Variants in LUZP2 observed in about 807,000 individuals in gnomAD.
LUZP2 encodes leucine zipper protein 2.
In LUZP2, 52 loss-of-function variants were observed where a neutral mutation model predicts 51.6. That is an observed-to-expected ratio of 1.01 (90% confidence interval 0.81 to 1.27). The LOEUF (loss-of-function observed/expected upper bound fraction) is 1.27, where lower values mean the gene tolerates loss of function less well. LUZP2 is among the 50% of genes most tolerant of loss of function. The pLI, the probability that LUZP2 is intolerant of heterozygous loss-of-function variation, is 0.00. For synonymous variants in LUZP2, 154 were observed against 137.3 expected, an observed-to-expected ratio of 1.12 and a Z score of -0.85; for missense variants, 436 against 395.4, an observed-to-expected ratio of 1.10 and a Z score of -0.87.
chr11:24,857,146 A>G (rs560789029), intron 5 of LUZP2, among the ~76,000 whole-genome samples: 2 of 152,058 alleles, frequency 1.3e-5, no homozygotes, highest in Admixed American at 1.3e-4. Flanking sequence ...ATAATTAGTT[A>G]CCACTGTAAT....
intron 5 of LUZP2, among the ~76,000 whole-genome samples, chr11:24,845,357 T>C (rs1302169978): frequency 2.6e-5 from 4 of 152,140 alleles, no homozygotes; most frequent in Non-Finnish European, 4.4e-5. Flanking sequence ...TATTGTATCT[T>C]GGAAGTAACT....
At chr11:24,565,785 A>T (rs1379002486) in intron 1 of LUZP2, among the ~76,000 whole-genome samples, 1 of 152,174 alleles carries the variant, frequency 6.6e-6, no homozygotes, top group Non-Finnish European at 1.5e-5. Flanking sequence ...AAGTAAACAA[A>T]AAAGTAAACA....
intron 9 of LUZP2, among the ~76,000 whole-genome samples, chr11:24,995,003 TA>T (rs1472457946): frequency 2.0e-5 from 3 of 152,218 alleles, no homozygotes; most frequent in Non-Finnish European, 2.9e-5. Flanking sequence ...AAGAATACCA[TA>T]AAACGTTTTA....
chr11:24,921,871 A>G (rs1854071430), intron 7 of LUZP2, among the ~76,000 whole-genome samples: 1 of 152,084 alleles, frequency 6.6e-6, no homozygotes, highest in Non-Finnish European at 1.5e-5. Context: ...TACTTTACTC[A>G]GGTCTGTAAT....
rs1373686383 is a variant in LUZP2, at chr11:25,050,030, C to T, written c.766-8C>T. 1 of 1,566,552 alleles carries T rather than the reference C, an allele frequency of 6.4e-7. No individual in the cohort carries two copies. The highest frequency in any genetic ancestry group is 8.7e-7 in the Non-Finnish European group (1 of 1,153,500). On this transcript the variant is annotated splice_polypyrimidine_tract_variant and splice_region_variant and intron_variant, in intron 9 of 11. Coordinates refer to ENST00000336930, the MANE Select transcript of LUZP2 (RefSeq NM_001009909.4). ...TCTTTCTTTCTATCTCTCTTCGTCT[C>T]TTTTAAGCCTCAACAAAGTGCTTCT...
Position 25,078,739 on chromosome 11 carries a change from G to T in LUZP2, c.*81G>T. On this transcript the variant is annotated 3_prime_UTR_variant, in exon 12 of 12. Coordinates refer to ENST00000336930, the MANE Select transcript of LUZP2 (RefSeq NM_001009909.4). The stretch of plus-strand genomic sequence containing the variant: ...AGACCACAAGCTTGATGGAAATACT[G>T]TTTCTAAAGCATGCAACTTTTTCAC... 2 of 1,079,952 alleles carry T rather than the reference G, an allele frequency of 1.9e-6. No homozygotes were observed. The highest frequency in any genetic ancestry group is 2.7e-6 in the Non-Finnish European group (2 of 738,968). The allele number at this position is 1,079,952 out of a possible 1,614,324, so 66.9% of individuals were successfully genotyped here. A position where few individuals can be genotyped will look rare whatever the true frequency, so the allele number is the denominator to read the frequency against.
At chr11:24,716,909 T>C (rs1858067510) in intron 1 of LUZP2, among the ~76,000 whole-genome samples, 1 of 151,960 alleles carries the variant, frequency 6.6e-6, no homozygotes, top group East Asian at 1.9e-4. Context: ...AAAATTTTTT[T>C]AATATAAAAT....
chr11:24,632,578 A>G (rs1854933603), intron 1 of LUZP2, among the ~76,000 whole-genome samples: 1 of 151,938 alleles, frequency 6.6e-6, no homozygotes, highest in African/African-American at 2.4e-5. Flanking sequence ...TTCTTATGTA[A>G]ATGTCCATTA....
intron 7 of LUZP2, among the ~76,000 whole-genome samples, chr11:24,969,948 G>C (rs1332085656): frequency 6.6e-6 from 1 of 152,068 alleles, no homozygotes; most frequent in African/African-American, 2.4e-5. Context: ...TCTCTTTCTT[G>C]AGGAATTCTA....
chr11:24,602,244 G>GTA (rs1329304592), intron 1 of LUZP2, among the ~76,000 whole-genome samples: 1 of 77,926 alleles, frequency 1.3e-5, no homozygotes, highest in Admixed American at 1.5e-4. Context: ...GTGTATATAT[G>GTA]TATATATATG....
At chr11:25,074,034 A>T (rs1258611264) in intron 10 of LUZP2, among the ~76,000 whole-genome samples, 1 of 152,188 alleles carries the variant, frequency 6.6e-6, no homozygotes, top group East Asian at 1.9e-4. Context: ...AGCAAAGTCT[A>T]TTTCACTCCA....
intron 5 of LUZP2, among the ~76,000 whole-genome samples, chr11:24,816,593 G>A (rs1850190737): frequency 6.6e-6 from 1 of 151,934 alleles, no homozygotes; most frequent in South Asian, 2.1e-4. Context: ...GATGCCATAA[G>A]GTCAGATATC....
chr11:24,618,774 T>A (rs1419506618), intron 1 of LUZP2, among the ~76,000 whole-genome samples: 1 of 152,146 alleles, frequency 6.6e-6, no homozygotes, highest in Non-Finnish European at 1.5e-5. Flanking sequence ...GGCTTTTAGT[T>A]GTATTTACTG....
chr11:24,682,705 T>G (rs763810051), intron 1 of LUZP2, among the ~76,000 whole-genome samples: 1 of 151,040 alleles, frequency 6.6e-6, no homozygotes, highest in Non-Finnish European at 1.5e-5. Context: ...GACTAAGAAC[T>G]AAGAATAATA....
At chr11:24,845,431 T>C (rs1032979432) in intron 5 of LUZP2, among the ~76,000 whole-genome samples, 3 of 152,206 alleles carry the variant, frequency 2.0e-5, no homozygotes, top group African/African-American at 7.2e-5. Context: ...GATGAGACTT[T>C]GGACTGTAGA....
At position 24,809,125 on chromosome 11, in the gene LUZP2, C is replaced by T. The variant is rs556402767; in HGVS notation, c.396+45817C>T. ...CAATGTGGAAATGTATAATATGTAACAAAAGAGATCTGTATTCCAAAGTGA... is the reference window on the plus strand; with the variant it reads ...CAATGTGGAAATGTATAATATGTAATAAAAGAGATCTGTATTCCAAAGTGA... On this transcript the variant is annotated intron_variant, in intron 5 of 11. Coordinates refer to ENST00000336930, the MANE Select transcript of LUZP2 (RefSeq NM_001009909.4). Among the ~76,000 whole-genome samples, 55 of 151,978 alleles carry T rather than the reference C, an allele frequency of 3.6e-4. No individual in the cohort carries two copies. The South Asian group carries it at 0.01, about 28-fold the overall frequency.
intron 1 of LUZP2, among the ~76,000 whole-genome samples, chr11:24,657,652 T>G (rs1855853557): frequency 6.6e-6 from 1 of 152,182 alleles, no homozygotes; most frequent in Non-Finnish European, 1.5e-5. Flanking sequence ...TGTTTGGAGA[T>G]GACATGAATT....
At chr11:25,047,320 G>A (rs895341367) in intron 9 of LUZP2, among the ~76,000 whole-genome samples, 1 of 41,876 alleles carries the variant, frequency 2.4e-5, no homozygotes, top group Non-Finnish European at 5.9e-5. Flanking sequence ...GTTAAGAATA[G>A]TATTGTTTTT....
chr11:24,945,278 A>C (rs35694766), intron 7 of LUZP2, among the ~76,000 whole-genome samples: 1 of 152,200 alleles, frequency 6.6e-6, no homozygotes, highest in African/African-American at 2.4e-5. Flanking sequence ...TCAGAAGCCC[A>C]CAATAAGATA....
Sources: allele counts gnomAD v4.1 joint callset (sites outside exome capture counted in the v4.1 genomes callset), GRCh38; gene constraint gnomAD v4.1.1; transcripts MANE v1.5; gene names NCBI Gene and HGNC (gene_info 2026-07-23, HGNC 2026-07-21).